Variants in USH2A observed in about 807,000 individuals in gnomAD.
The protein encoded by USH2A is usherin, also known as Usher syndrome 2A (autosomal recessive, mild).
A neutral mutation model predicts 538.9 loss-of-function variants in USH2A; 443 were observed. That is an observed-to-expected ratio of 0.82 (90% CI 0.76 to 0.89). USH2A has a LOEUF of 0.89. USH2A is among the 40% of genes least tolerant of loss of function. USH2A has a pLI of 0.00. For missense variants in USH2A, 6,633 were observed against 6,324.8 expected, an observed-to-expected ratio of 1.05 and a Z score of -1.65; for synonymous variants, 2,413 against 2,273.5, an observed-to-expected ratio of 1.06 and a Z score of -1.75.
At chr1:215,766,382 C>T (rs1661128427) in intron 56 of USH2A, among the ~76,000 whole-genome samples, 2 of 152,078 alleles carry the variant, frequency 1.3e-5, no homozygotes, top group African/African-American at 4.8e-5. Context: ...GAGCATGGTG[C>T]TTATTATATA....
chr1:215,982,680 A>G (rs965329942), intron 35 of USH2A, among the ~76,000 whole-genome samples: 1 of 152,202 alleles, frequency 6.6e-6, no homozygotes, highest in African/African-American at 2.4e-5. Flanking sequence ...ATCAGTAACT[A>G]TGGGGTAGCT....
intron 20 of USH2A, among the ~76,000 whole-genome samples, chr1:216,180,902 A>C (rs2034480622): frequency 6.6e-6 from 1 of 152,086 alleles, no homozygotes; most frequent in Non-Finnish European, 1.5e-5. Flanking sequence ...CCAGGACGCA[A>C]ACAAGAAGTC....
chr1:215,965,337 C>T lies in USH2A; in HGVS notation c.7100G>A (p.Gly2367Glu), dbSNP rs1017425051. 1 of 1,613,414 alleles carries T rather than the reference C, an allele frequency of 6.2e-7. No individual in the cohort carries two copies. The highest frequency in any genetic ancestry group is 1.3e-5 in the African/African-American group (1 of 74,884). Residue 2367 changes from glycine (G) to glutamate (E), a missense_variant, in exon 37 of 72, where the codon GGG becomes GAG. Physicochemically the swap from Gly to Glu is moderately conservative, Grantham distance 98. Coordinates refer to ENST00000307340, the MANE Select transcript of USH2A (RefSeq NM_206933.4). Reference protein sequence around the residue: ...GLLTHSVLFTGIFYVDPVGNN... With the variant: ...GLLTHSVLFTEIFYVDPVGNN... ...ATTACCTGGGTCTACATAGAATATC[C>T]CAGTGAAAAGGACTGAGTGTGTTAA...
At chr1:216,102,874 C>T (rs1348101039) in intron 21 of USH2A, among the ~76,000 whole-genome samples, 1 of 152,180 alleles carries the variant, frequency 6.6e-6, no homozygotes, top group African/African-American at 2.4e-5. Context: ...ACTCCTGGAT[C>T]TACATCCAGC....
intron 3 of USH2A, among the ~76,000 whole-genome samples, chr1:216,367,733 A>G (rs991227766): frequency 1.3e-5 from 2 of 152,112 alleles, no homozygotes; most frequent in Non-Finnish European, 2.9e-5. Context: ...TTTCTGCACC[A>G]TGTTTTATGT....
intron 52 of USH2A, among the ~76,000 whole-genome samples, chr1:215,784,784 C>G (rs940950649): frequency 1.2e-4 from 19 of 152,100 alleles, no homozygotes; most frequent in Admixed American, 9.2e-4. Flanking sequence ...TTTCTGCAGG[C>G]AAAGCAATCT....
chr1:216,322,792 C>G, intron 8 of USH2A, among the ~76,000 whole-genome samples: 1 of 151,864 alleles, frequency 6.6e-6, no homozygotes, highest in Non-Finnish European at 1.5e-5. Flanking sequence ...TTTTGGTCTG[C>G]TTTTAAAGAC....
intron 36 of USH2A, among the ~76,000 whole-genome samples, chr1:215,969,683 A>G (rs1667445259): frequency 6.6e-6 from 1 of 152,066 alleles, no homozygotes; most frequent in South Asian, 2.1e-4. Context: ...CCGCCGATGG[A>G]TGGTGTTAGC....
chr1:216,136,702 G>A (rs2033492806), intron 21 of USH2A, among the ~76,000 whole-genome samples: 1 of 152,168 alleles, frequency 6.6e-6, no homozygotes, highest in Non-Finnish European at 1.5e-5. Flanking sequence ...AGGCCCTACT[G>A]TAGTATGACT....
chr1:215,694,988 G>A (rs1340331542), intron 61 of USH2A, among the ~76,000 whole-genome samples: 1 of 152,184 alleles, frequency 6.6e-6, no homozygotes, highest in Non-Finnish European at 1.5e-5. Context: ...TATTGTAGTG[G>A]TAATCCTAGG....
chr1:215,805,970 T>C (rs181046855), intron 49 of USH2A, among the ~76,000 whole-genome samples: 12 of 118,724 alleles, frequency 1.0e-4, no homozygotes, highest in African/African-American at 3.7e-4. Context: ...TAGTGTATCT[T>C]AGAAAGACAC....
Position 216,421,940 on chromosome 1 carries a change from T to C in USH2A, c.397A>G (p.Lys133Glu). 1 of 1,613,978 alleles carries C rather than the reference T, an allele frequency of 6.2e-7. No individual in the cohort carries two copies. Among genetic ancestry groups the C allele is most frequent in the Middle Eastern group, 1.7e-4 (1 of 6,060 alleles). ...NSASFIFGNHKSCFSSPPSPK... is the reference protein window; with the variant it reads ...NSASFIFGNHESCFSSPPSPK... The stretch of plus-strand genomic sequence containing the variant: ...GAAGGAGGAGAAGAAAAGCAGCTCT[T>C]GTGATTTCCAAAAATAAAACTTGCA... Residue 133 changes from lysine (K) to glutamate (E), a missense_variant, in exon 2 of 72, where the codon AAG (lysine) becomes GAG (glutamate). Physicochemically the swap from Lys to Glu is moderately conservative, Grantham distance 56. Transcript: ENST00000307340.
At chr1:215,804,726 C>G (rs933362679) in intron 49 of USH2A, among the ~76,000 whole-genome samples, 2 of 152,132 alleles carry the variant, frequency 1.3e-5, no homozygotes, top group African/African-American at 2.4e-5. Context: ...GTCAGTGTGG[C>G]GATTCCTCAG....
intron 21 of USH2A, among the ~76,000 whole-genome samples, chr1:216,164,391 C>G (rs1449503574): frequency 2.0e-5 from 3 of 152,060 alleles, no homozygotes; most frequent in African/African-American, 7.2e-5. Flanking sequence ...GACTTGAAAA[C>G]TATTGATAAT....
chr1:215,956,411 T>C (rs1324923973), intron 37 of USH2A, among the ~76,000 whole-genome samples: 1 of 152,112 alleles, frequency 6.6e-6, no homozygotes, highest in Non-Finnish European at 1.5e-5. Flanking sequence ...AATAGGAGAA[T>C]TTTATTTTAT....
chr1:216,336,991 G>A (rs947440522), intron 4 of USH2A, among the ~76,000 whole-genome samples: 2 of 151,500 alleles, frequency 1.3e-5, no homozygotes, highest in Non-Finnish European at 3.0e-5. Context: ...CAAGGTAGAA[G>A]TTGAAAGAGC....
At chr1:216,398,496 T>C (rs942974512) in intron 3 of USH2A, among the ~76,000 whole-genome samples, 5 of 152,060 alleles carry the variant, frequency 3.3e-5, no homozygotes, top group African/African-American at 9.7e-5. Context: ...AAAAAGTACC[T>C]GTCATACTTT....
intron 4 of USH2A, among the ~76,000 whole-genome samples, chr1:216,340,105 T>C (rs1010006515): frequency 2.0e-5 from 3 of 150,546 alleles, no homozygotes; most frequent in African/African-American, 7.3e-5. Flanking sequence ...GCTAGACTAA[T>C]AAAGAAGAAA....
rs147263156 is a variant in USH2A at position 215,645,022 on chromosome 1, A to T, written c.14791+2500T>A. On this transcript the variant is annotated intron_variant, in intron 67 of 71. Transcript: ENST00000307340. ...AGGCAGGTTTATTTCAGACGGAAGA[A>T]GGACCACCCTTTCCTTGTCACTGAC... Among the ~76,000 whole-genome samples the T allele has an allele frequency of 1.1e-3, 175 of 152,320 alleles. 1 individual carries two copies. The highest frequency in any genetic ancestry group is 4.1e-3 in the African/African-American group (171 of 41,586).
Sources: allele counts gnomAD v4.1 joint callset (sites outside exome capture counted in the v4.1 genomes callset), GRCh38; gene constraint gnomAD v4.1.1; transcripts MANE v1.5; gene names NCBI Gene and HGNC (gene_info 2026-07-23, HGNC 2026-07-21).